RGPD2: variants seen among roughly 807,000 people sequenced by gnomAD.
RGPD2 encodes RANBP2 like and GRIP domain containing 2, also known as RANBP2-like and GRIP domain-containing protein 2.
Under a neutral mutation model 36.0 loss-of-function variants are expected in RGPD2, and 2 were observed. The ratio of observed to expected loss-of-function variants is 0.06; its 90% CI spans 0.02 to 0.17. The LOEUF is 0.17. RGPD2 is among the 10% of genes least tolerant of loss of function. RGPD2 has a pLI of 1.00. For missense variants in RGPD2, 40 were observed against 464.3 expected (o/e 0.09, Z 8.40); for synonymous variants, 19 against 163.8 (o/e 0.12, Z 6.75).
chr2:87,807,298 T>C (rs1366545037), intron 6 of RGPD2, among the ~76,000 whole-genome samples: 11 of 145,526 alleles, frequency 7.6e-5, no homozygotes, highest in Admixed American at 7.4e-4. Flanking sequence ...ATTTCCAAAT[T>C]ATAAGTAAGT....
At chr2:87,958,513 T>G in the RGPD2 span, among the ~76,000 whole-genome samples, 3 of 152,292 alleles carry the variant, frequency 2.0e-5, no homozygotes, top group African/African-American at 7.2e-5. Flanking sequence ...AACATTTCTA[T>G]CTCCTATTAA....
chr2:87,885,076 A>G, the RGPD2 span, among the ~76,000 whole-genome samples: 1 of 152,080 alleles, frequency 6.6e-6, no homozygotes, highest in African/African-American at 2.4e-5. Context: ...GGGTGGTTCA[A>G]TTTAAGATTT....
chr2:87,919,226 C>T, the RGPD2 span, among the ~76,000 whole-genome samples: 1,710 of 152,042 alleles, frequency 0.011, 17 homozygotes, highest in South Asian at 0.019. Flanking sequence ...CCATCTCTTA[C>T]GTGTTCTGTG....
intron 1 of RGPD2, among the ~76,000 whole-genome samples, 176 bp downstream of exon 1, chr2:87,825,476 TCGCCGC>T (rs1298767134): frequency 2.7e-5 from 1 of 37,152 alleles, no homozygotes; most frequent in Non-Finnish European, 5.1e-5. Flanking sequence ...GAGGCCGCCG[TCGCCGC>T]CGCCGCCGCC....
At chr2:87,979,895 AG>A in the RGPD2 span, among the ~76,000 whole-genome samples, 3 of 151,824 alleles carry the variant, frequency 2.0e-5, no homozygotes, top group African/African-American at 7.3e-5. Flanking sequence ...AAACCACACA[AG>A]GAAATTTTAT....
the RGPD2 span, among the ~76,000 whole-genome samples, chr2:87,870,714 C>T: frequency 3.3e-5 from 5 of 151,954 alleles, no homozygotes; most frequent in South Asian, 2.1e-4. Context: ...AACTTTTATG[C>T]GTGCCCATAT....
At chr2:87,813,956 G>A (rs1279477697) in intron 4 of RGPD2, among the ~76,000 whole-genome samples, 3 of 151,268 alleles carry the variant, frequency 2.0e-5, no homozygotes, top group Non-Finnish European at 2.9e-5. Context: ...TCTTTAAAGA[G>A]TGCTTCAAAG....
the RGPD2 span, among the ~76,000 whole-genome samples, chr2:87,980,154 C>A: frequency 6.6e-6 from 1 of 151,932 alleles, no homozygotes; most frequent in African/African-American, 2.4e-5. Flanking sequence ...AGTTCGAGAC[C>A]AGCCTGGCCA....
chr2:87,986,988 C>T, the RGPD2 span, among the ~76,000 whole-genome samples: 598 of 132,012 alleles, frequency 4.5e-3, 10 homozygotes, highest in African/African-American at 0.014. Flanking sequence ...TATGCATCCA[C>T]GAATAGCAAT....
chr2:87,927,722 AT>A, the RGPD2 span, among the ~76,000 whole-genome samples: 2 of 151,500 alleles, frequency 1.3e-5, no homozygotes, highest in African/African-American at 2.4e-5. Flanking sequence ...GAAAAAAAAA[AT>A]GGAAACCTAC....
At chr2:87,935,438 T>C in the RGPD2 span, among the ~76,000 whole-genome samples, 257 of 148,180 alleles carry the variant, frequency 1.7e-3, 2 homozygotes, top group Middle Eastern at 3.5e-3. Flanking sequence ...CTCTATGAAC[T>C]TCATTGCTGC....
chr2:87,876,982 T>C, the RGPD2 span, among the ~76,000 whole-genome samples: 2 of 152,294 alleles, frequency 1.3e-5, no homozygotes, highest in African/African-American at 2.4e-5. Flanking sequence ...TTTTTTATCT[T>C]TCTTGATTTA....
the RGPD2 span, among the ~76,000 whole-genome samples, chr2:87,840,043 C>T: frequency 6.9e-6 from 1 of 145,082 alleles, no homozygotes; most frequent in African/African-American, 2.6e-5. Flanking sequence ...TAAGAGTATC[C>T]CCTTCAAAGT....
chr2:87,943,786 G>A, the RGPD2 span, among the ~76,000 whole-genome samples: 37 of 151,724 alleles, frequency 2.4e-4, no homozygotes, highest in East Asian at 5.9e-3. Flanking sequence ...TTACATTAAA[G>A]TATTTTATGT....
chr2:87,825,316 C>T (rs1417878474), intron 1 of RGPD2, among the ~76,000 whole-genome samples: 2 of 151,434 alleles, frequency 1.3e-5, no homozygotes, highest in East Asian at 2.0e-4. Flanking sequence ...ATCTCTTATA[C>T]TAGTATCCTT....
the RGPD2 span, among the ~76,000 whole-genome samples, chr2:87,984,990 G>C: frequency 6.8e-6 from 1 of 146,910 alleles, no homozygotes; most frequent in African/African-American, 2.5e-5. Context: ...GAATGGTACA[G>C]CTGAGCTACC....
upstream of RGPD2, among the ~76,000 whole-genome samples, chr2:87,827,410 GC>G (rs1415592357): frequency 4.4e-4 from 66 of 150,648 alleles, no homozygotes; most frequent in South Asian, 2.1e-3. Flanking sequence ...CTCACTTTCA[GC>G]TTTTTGACCT....
intron 4 of RGPD2, among the ~76,000 whole-genome samples, chr2:87,813,240 C>T (rs1189341009): frequency 1.3e-5 from 2 of 152,052 alleles, no homozygotes; most frequent in African/African-American, 2.4e-5. Context: ...CCCTCTTTTC[C>T]TCAGAACCCT....
the RGPD2 span, among the ~76,000 whole-genome samples, chr2:87,975,139 C>T: frequency 5.3e-5 from 8 of 151,998 alleles, no homozygotes; most frequent in Non-Finnish European, 1.2e-4. Flanking sequence ...CCTCCCACTC[C>T]CTTTATATGG....
Sources: allele counts gnomAD v4.1 joint callset (sites outside exome capture counted in the v4.1 genomes callset), GRCh38; gene constraint gnomAD v4.1.1; transcripts MANE v1.5; gene names NCBI Gene and HGNC (gene_info 2026-07-23, HGNC 2026-07-21).